The following NBAS variants were observed in gnomAD, a reference collection of about 807,000 sequenced individuals.
The protein encoded by NBAS is NBAS subunit of NRZ tethering complex.
In NBAS, 219 loss-of-function variants were observed where a neutral mutation model predicts 302.5. The ratio of observed to expected loss-of-function variants is 0.72; its 90% CI spans 0.65 to 0.81. NBAS has a LOEUF of 0.81. Ranked by LOEUF, NBAS falls within the 30% of genes least tolerant of loss-of-function variation. The pLI, the probability that NBAS is intolerant of heterozygous loss-of-function variation, is 0.00. For missense variants in NBAS, 2,932 were observed against 2,841.6 expected, an observed-to-expected ratio of 1.03 and a Z score of -0.72; for synonymous variants, 1,118 against 1,021.6, an observed-to-expected ratio of 1.09 and a Z score of -1.80.
At position 15,379,399 on chromosome 2, in the gene NBAS, G is replaced by A. The variant is rs188827403; in HGVS notation, c.3590+203C>T. Among the ~76,000 whole-genome samples, 148 of 37,540 alleles carry A rather than the reference G, an allele frequency of 3.9e-3. 2 individuals are homozygous for A. The highest frequency in any genetic ancestry group is 0.012 in the African/African-American group (142 of 11,768). 24.6% of individuals were successfully genotyped at this position (37,540 alleles called of 152,430 possible). On this transcript the variant is annotated intron_variant, in intron 30 of 51. Transcript: ENST00000281513. ...AGCAAAAATGACCATGGGAAAGCGCGCTGGAGAAAAATGTTTAAGAAGCTG... is the reference window on the plus strand; with the variant it reads ...AGCAAAAATGACCATGGGAAAGCGCACTGGAGAAAAATGTTTAAGAAGCTG...
chr2:15,134,332 C>T, the NBAS span, among the ~76,000 whole-genome samples: 20 of 152,196 alleles, frequency 1.3e-4, no homozygotes, highest in South Asian at 4.1e-4. Context: ...AGCACACAAA[C>T]GTGCTGGCAG....
chr2:15,135,634 T>C, the NBAS span, among the ~76,000 whole-genome samples: 413 of 152,232 alleles, frequency 2.7e-3, 1 homozygote, highest in African/African-American at 9.3e-3. Context: ...CGGGAACCGT[T>C]GAAGCTTTGT....
the NBAS span, among the ~76,000 whole-genome samples, chr2:14,910,206 G>T: frequency 6.6e-6 from 1 of 152,278 alleles, no homozygotes; most frequent in Non-Finnish European, 1.5e-5. Context: ...TTCTGCAAAG[G>T]TAGAGAGGAT....
chr2:15,040,627 G>A, the NBAS span, among the ~76,000 whole-genome samples: 7 of 152,338 alleles, frequency 4.6e-5, no homozygotes, highest in African/African-American at 1.2e-4. Context: ...CACCAAGCTC[G>A]TGGCAATCTG....
chr2:15,316,294 G>A lies in NBAS; in HGVS notation c.4583-7047C>T, dbSNP rs559326245. On this transcript the variant is annotated intron_variant, in intron 38 of 51. Transcript: ENST00000281513. Reference sequence around the variant, plus strand: ...TAGGAACAGCTCCGCTCTGCAGCTCGCAGCGTGATCGATGCAGAACACAGG... The same window carrying A: ...TAGGAACAGCTCCGCTCTGCAGCTCACAGCGTGATCGATGCAGAACACAGG... Among the ~76,000 whole-genome samples, 15 of 152,322 alleles carry A rather than the reference G, an allele frequency of 9.8e-5. No individual in the cohort carries two copies. The East Asian group carries it at 1.4e-3, about 14-fold the overall frequency.
At chr2:14,893,338 T>C in the NBAS span, among the ~76,000 whole-genome samples, 1 of 152,334 alleles carries the variant, frequency 6.6e-6, no homozygotes, top group African/African-American at 2.4e-5. Context: ...GCTTATTGTT[T>C]TGCTTTTTAT....
chr2:15,185,009 G>A (rs1337597274), intron 50 of NBAS, among the ~76,000 whole-genome samples: 1 of 152,152 alleles, frequency 6.6e-6, no homozygotes, highest in East Asian at 1.9e-4. Flanking sequence ...AAGGAAAACT[G>A]ACAGTAACAT....
chr2:15,336,004 T>C (rs997248542), intron 35 of NBAS, among the ~76,000 whole-genome samples: 6 of 151,422 alleles, frequency 4.0e-5, no homozygotes, highest in African/African-American at 9.7e-5. Context: ...GCTGAGGTAG[T>C]AGAATTGCTT....
At chr2:15,095,015 T>C in the NBAS span, among the ~76,000 whole-genome samples, 1 of 152,306 alleles carries the variant, frequency 6.6e-6, no homozygotes, top group East Asian at 1.9e-4. Context: ...AGAAAATGTA[T>C]AGTAAAATAT....
At chr2:15,231,162 A>G (rs1356343256) in intron 47 of NBAS, among the ~76,000 whole-genome samples, 1 of 152,264 alleles carries the variant, frequency 6.6e-6, no homozygotes, top group Non-Finnish European at 1.5e-5. Flanking sequence ...CATGGCACAG[A>G]GTAAACCCCA....
chr2:15,334,929 C>T (rs1672509993), intron 35 of NBAS, among the ~76,000 whole-genome samples: 1 of 152,230 alleles, frequency 6.6e-6, no homozygotes, highest in Non-Finnish European at 1.5e-5. Flanking sequence ...AAAACAAACA[C>T]TATCCTGACT....
At chr2:15,082,465 G>A in the NBAS span, among the ~76,000 whole-genome samples, 10 of 152,246 alleles carry the variant, frequency 6.6e-5, no homozygotes, top group East Asian at 1.9e-3. Context: ...ACAAATATCA[G>A]AGCTGGAAGG....
intron 16 of NBAS, among the ~76,000 whole-genome samples, chr2:15,471,051 G>A (rs535639706): frequency 7.2e-5 from 11 of 152,222 alleles, no homozygotes; most frequent in Middle Eastern, 3.4e-3. Context: ...CTAGCATAGT[G>A]CTCTTGCTCT....
chr2:15,328,889 G>A (rs563912552), intron 36 of NBAS, among the ~76,000 whole-genome samples: 65 of 152,222 alleles, frequency 4.3e-4, no homozygotes, highest in African/African-American at 1.5e-3. Flanking sequence ...CTGCCATGCC[G>A]ACTGCCTGGT....
At chr2:15,230,663 G>A (rs1667344900) in intron 47 of NBAS, among the ~76,000 whole-genome samples, 1 of 152,166 alleles carries the variant, frequency 6.6e-6, no homozygotes. Flanking sequence ...ATTGAAAGGG[G>A]ACTAAAACAG....
At chr2:15,273,244 G>A (rs1669411119) in intron 44 of NBAS, among the ~76,000 whole-genome samples, 1 of 152,208 alleles carries the variant, frequency 6.6e-6, no homozygotes, top group South Asian at 2.1e-4. Context: ...TCAGATCTGA[G>A]CTGGTTCCTT....
At chr2:14,864,586 G>T in the NBAS span, among the ~76,000 whole-genome samples, 1 of 152,206 alleles carries the variant, frequency 6.6e-6, no homozygotes, top group South Asian at 2.1e-4. Flanking sequence ...TTTGTGGTGA[G>T]AATTAAAAGG....
At chr2:15,203,541 G>T (rs981698132) in intron 48 of NBAS, among the ~76,000 whole-genome samples, 4 of 152,032 alleles carry the variant, frequency 2.6e-5, no homozygotes, top group African/African-American at 9.7e-5. Context: ...AGAAGAAACT[G>T]GCAACCAATG....
intron 47 of NBAS, among the ~76,000 whole-genome samples, chr2:15,220,088 C>T (rs1228719926): frequency 1.7e-4 from 25 of 148,140 alleles, no homozygotes; most frequent in Admixed American, 1.1e-3. Context: ...GGCTGACCCC[C>T]CCCACCTCCC....
Sources: gnomAD v4.1 joint callset for allele counts (sites outside exome capture counted in the v4.1 genomes callset) on GRCh38, gnomAD v4.1.1 for gene constraint, MANE v1.5 for transcripts, NCBI Gene and HGNC (gene_info 2026-07-23, HGNC 2026-07-21) for gene names.